CHODL: variants seen among roughly 807,000 people sequenced by gnomAD.
The protein encoded by CHODL is transmembrane protein MT75.
Under a neutral mutation model 34.5 loss-of-function variants are expected in CHODL, and 29 were observed. That is an observed-to-expected ratio of 0.84 (90% CI 0.63 to 1.15). The LOEUF (loss-of-function observed/expected upper bound fraction) is 1.15. Among genes scored for constraint, CHODL ranks in the 50% most tolerant of loss-of-function variants. CHODL has a pLI of 0.00. For missense variants in CHODL, 332 were observed against 332.5 expected (o/e 1.00, Z 0.01); for synonymous variants, 125 against 116.1 (o/e 1.08, Z -0.49).
At chr21:18,223,721 G>A (rs2073905555) in intron 2 of CHODL, among the ~76,000 whole-genome samples, 1 of 151,910 alleles carries the variant, frequency 6.6e-6, no homozygotes, top group Non-Finnish European at 1.5e-5. Flanking sequence ...AAAGGAGAAA[G>A]GCTACTTTAC....
At chr21:17,960,835 C>T (rs2063526876) in intron 1 of CHODL, among the ~76,000 whole-genome samples, 1 of 152,174 alleles carries the variant, frequency 6.6e-6, no homozygotes, top group South Asian at 2.1e-4. Flanking sequence ...AACCTGAAAG[C>T]TTTTCTCTAC....
intron 1 of CHODL, among the ~76,000 whole-genome samples, chr21:17,924,331 T>C (rs1568800170): frequency 6.6e-6 from 1 of 152,198 alleles, no homozygotes; most frequent in Non-Finnish European, 1.5e-5. Flanking sequence ...GTAAGTAGCC[T>C]GTGGGAGGAG....
chr21:18,177,488 A>G (rs771838043), intron 2 of CHODL, among the ~76,000 whole-genome samples: 1 of 152,150 alleles, frequency 6.6e-6, no homozygotes, highest in Non-Finnish European at 1.5e-5. Context: ...ACAAAATTAT[A>G]TTTTGACTTT....
At chr21:18,192,810 G>T (rs17451340) in intron 2 of CHODL, among the ~76,000 whole-genome samples, 28,698 of 152,024 alleles carry the variant, frequency 0.19, 4,860 homozygotes, top group African/African-American at 0.46. Flanking sequence ...TTAGAACAAA[G>T]TAATCCCATT....
intron 1 of CHODL, among the ~76,000 whole-genome samples, chr21:18,002,189 T>C (rs925690230): frequency 4.6e-5 from 7 of 152,232 alleles, no homozygotes; most frequent in Admixed American, 3.9e-4. Context: ...TTTATGATTC[T>C]ATCCACTTGT....
intron 2 of CHODL, among the ~76,000 whole-genome samples, chr21:18,213,118 A>G (rs1458528614): frequency 6.6e-6 from 1 of 152,124 alleles, no homozygotes; most frequent in Non-Finnish European, 1.5e-5. Flanking sequence ...TTCTTTCAGC[A>G]TATGTTACTG....
In CHODL at chr21:18,267,020, T is replaced by TAA. The variant is rs1168008346; in HGVS notation, c.*983_*984dup. The TAA allele has an allele frequency of 1.3e-5, 2 of 151,886 alleles. No homozygotes were observed. Among genetic ancestry groups the TAA allele is most frequent in the Non-Finnish European group, 1.5e-5 (1 of 68,056 alleles). 9.4% of individuals were successfully genotyped at this position (151,886 alleles called of 1,614,324 possible). ...GAGGCAGATAGTTGCAAAGTTAGTC[T>TAA]AAGGTTTCCCTAGCTGTATTTAGCC... On this transcript the variant is annotated 3_prime_UTR_variant, in exon 6 of 6. Coordinates refer to ENST00000299295, the MANE Select transcript of CHODL (RefSeq NM_024944.3).
At chr21:18,001,770 C>A (rs532930532) in intron 1 of CHODL, among the ~76,000 whole-genome samples, 1 of 133,212 alleles carries the variant, frequency 7.5e-6, no homozygotes, top group Non-Finnish European at 1.5e-5. Context: ...TTGGCCTCAT[C>A]CTCTTTTTTT....
intron 2 of CHODL, among the ~76,000 whole-genome samples, chr21:18,197,891 A>T (rs1054490781): frequency 6.6e-6 from 1 of 152,238 alleles, no homozygotes; most frequent in African/African-American, 2.4e-5. Context: ...GATTACTCAC[A>T]TGAGCATATA....
intron 1 of CHODL, among the ~76,000 whole-genome samples, chr21:17,933,290 G>A (rs551349749): frequency 7.8e-4 from 118 of 152,222 alleles, no homozygotes; most frequent in African/African-American, 2.7e-3. Context: ...GCTGGGGGAC[G>A]GTCAGGTCTT....
chr21:18,028,326 CCTTCCTCT>C (rs1880950826), intron 2 of CHODL, among the ~76,000 whole-genome samples: 1 of 143,006 alleles, frequency 7.0e-6, no homozygotes, highest in Admixed American at 7.5e-5. Flanking sequence ...TTCCTTCCTT[CCTTCCTCT>C]CTGTTTCTTT....
chr21:17,962,298 A>G (rs145673014), intron 1 of CHODL, among the ~76,000 whole-genome samples: 16 of 152,330 alleles, frequency 1.1e-4, no homozygotes, highest in African/African-American at 3.8e-4. Flanking sequence ...TAACCTTGAT[A>G]AATAGGACCA....
rs190703097 is a variant in CHODL at position 18,262,951 on chromosome 21, T to C, written c.737+58T>C. The C allele has an allele frequency of 8.0e-5, 78 of 978,214 alleles. 1 individual carries two copies. In the East Asian group the frequency reaches 1.1e-3, roughly 14 times the overall value. The allele number at this position is 978,214 out of a possible 1,614,324, so 60.6% of individuals were successfully genotyped here. ...AAAACTTTAAATAGGTTTTCAGAAA[T>C]GTTTTAAAACTATTAGCATAAAGTT... On this transcript the variant is annotated intron_variant, in intron 5 of 5. Transcript: ENST00000299295.
At chr21:18,083,075 C>T (rs1171608082) in intron 2 of CHODL, among the ~76,000 whole-genome samples, 1 of 152,194 alleles carries the variant, frequency 6.6e-6, no homozygotes, top group Non-Finnish European at 1.5e-5. Flanking sequence ...TATCACAGGT[C>T]CAGAGGCCTA....
At chr21:17,955,059 G>C (rs2063486257) in intron 1 of CHODL, among the ~76,000 whole-genome samples, 1 of 134,752 alleles carries the variant, frequency 7.4e-6, no homozygotes, top group African/African-American at 2.5e-5. Context: ...GAAAGTCCAA[G>C]ATGAAGGCAC....
intron 2 of CHODL, among the ~76,000 whole-genome samples, chr21:18,060,406 C>T (rs549875802): frequency 6.6e-6 from 1 of 151,942 alleles, no homozygotes; most frequent in Admixed American, 6.6e-5. Flanking sequence ...GCCGTGTTTG[C>T]ACCACTGCAC....
chr21:18,163,691 G>A (rs2824672), intron 2 of CHODL, among the ~76,000 whole-genome samples: 72,243 of 152,010 alleles, frequency 0.48, 18,406 homozygotes, highest in Middle Eastern at 0.61. Context: ...AAGTTTTCAC[G>A]TTTTTGCTTG....
chr21:17,974,123 C>T (rs1169241542), intron 1 of CHODL, among the ~76,000 whole-genome samples: 4 of 152,130 alleles, frequency 2.6e-5, no homozygotes, highest in Non-Finnish European at 5.9e-5. Flanking sequence ...TTGAATCCAA[C>T]ATGAAGTCTT....
chr21:17,952,489 A>AG (rs1445614618), intron 1 of CHODL, among the ~76,000 whole-genome samples: 1 of 152,114 alleles, frequency 6.6e-6, no homozygotes, highest in African/African-American at 2.4e-5. Context: ...AAAGAAAAAA[A>AG]ATCCTTAAAA....
Sources: gnomAD v4.1 joint callset for allele counts (sites outside exome capture counted in the v4.1 genomes callset) on GRCh38, gnomAD v4.1.1 for gene constraint, MANE v1.5 for transcripts, NCBI Gene and HGNC (gene_info 2026-07-23, HGNC 2026-07-21) for gene names.